ZNF280C: variants seen among roughly 807,000 people sequenced by gnomAD.
ZNF280C encodes zinc finger protein 280C, also known as suppressor of hairy wing homolog 3.
Under a neutral mutation model 53.6 loss-of-function variants are expected in ZNF280C, and 14 were observed. That is an observed-to-expected ratio of 0.26 (90% confidence interval 0.17 to 0.41). The LOEUF is 0.41. Ranked by LOEUF, ZNF280C falls within the 10% of genes least tolerant of loss-of-function variation. The pLI, the probability that ZNF280C is intolerant of heterozygous loss-of-function variation, is 1.00. For synonymous variants in ZNF280C, 203 were observed against 181.1 expected (o/e 1.12, Z -0.97); for missense variants, 416 against 547.1 (o/e 0.76, Z 2.39).
chrX:130,217,000 A>AAAAAC (rs755079228), intron 13 of ZNF280C, among the ~76,000 whole-genome samples: 26 of 111,768 alleles, frequency 2.3e-4, no homozygotes, highest in East Asian at 2.8e-4. Flanking sequence ...ACTCCGTCTC[A>AAAAAC]AAAACAAAAC....
At chrX:130,266,047 A>G (rs1173595853) in intron 1 of ZNF280C, among the ~76,000 whole-genome samples, 1 of 112,605 alleles carries the variant, frequency 8.9e-6, no homozygotes, top group Admixed American at 9.4e-5. Flanking sequence ...TATTTCCCAT[A>G]TTAGAAATTG....
At chrX:130,242,421 G>T (rs2032402601) in intron 5 of ZNF280C, among the ~76,000 whole-genome samples, 1 of 111,675 alleles carries the variant, frequency 9.0e-6, no homozygotes, top group African/African-American at 3.3e-5. Context: ...TATGATTTCA[G>T]AATAAGCAAT....
At chrX:130,207,503 C>T (rs372468903) in intron 16 of ZNF280C, among the ~76,000 whole-genome samples, 41 of 110,771 alleles carry the variant, frequency 3.7e-4, no homozygotes, top group African/African-American at 1.3e-3. Flanking sequence ...CGATTACAGG[C>T]GCACACCACC....
In ZNF280C at chrX:130,231,521, A is replaced by G. The variant is rs910179595; in HGVS notation, c.772-794T>C. 2.7e-5 allele frequency among the ~76,000 whole-genome samples: 3 copies of G among 111,808 alleles called. No homozygotes were observed. The Admixed American group carries it at 2.9e-4, about 11-fold the overall frequency. The stretch of plus-strand genomic sequence containing the variant: ...GGAAGCTTGTAAGTGGAAGCTAAAC[A>G]TTGGGTATACACAGACATAAAGATG... On this transcript the variant is annotated intron_variant, in intron 8 of 18. Transcript: ENST00000370978.
At chrX:130,216,238 T>TA in intron 13 of ZNF280C, 137 bp from the exon 14 acceptor site, 3 of 505,053 alleles carry the variant, frequency 5.9e-6, no homozygotes, top group Non-Finnish European at 9.5e-6. Flanking sequence ...GGGCAAAAAA[T>TA]AGTCTTGATG....
intron 13 of ZNF280C, among the ~76,000 whole-genome samples, chrX:130,219,665 T>A (rs1307773440): frequency 2.7e-5 from 3 of 110,106 alleles, no homozygotes; most frequent in Non-Finnish European, 5.7e-5. Context: ...TCAACAAACC[T>A]ATGGCATTCA....
chrX:130,223,847 C>T (rs1354752075), intron 12 of ZNF280C, among the ~76,000 whole-genome samples: 2 of 112,154 alleles, frequency 1.8e-5, no homozygotes, highest in African/African-American at 6.5e-5. Flanking sequence ...ATTCTTATTA[C>T]ATAAAATTGC....
chrX:130,255,020 T>C (rs959742283), intron 2 of ZNF280C, among the ~76,000 whole-genome samples: 3 of 106,189 alleles, frequency 2.8e-5, no homozygotes, highest in Non-Finnish European at 3.9e-5. Flanking sequence ...CAGCCAAAAT[T>C]CAGTTAAAAA....
At chrX:130,262,709 CG>C (rs756393961) in intron 1 of ZNF280C, among the ~76,000 whole-genome samples, 30 of 111,699 alleles carry the variant, frequency 2.7e-4, no homozygotes, top group African/African-American at 9.1e-4. Context: ...TTTCAGCTAC[CG>C]ATTCAGGTGG....
chrX:130,267,595 G>A (rs186080693), intron 1 of ZNF280C, among the ~76,000 whole-genome samples: 5 of 111,682 alleles, frequency 4.5e-5, no homozygotes, highest in African/African-American at 1.6e-4. Context: ...ACAAATGCAA[G>A]ATACGATTAT....
At chrX:130,207,519 C>T (rs771018770) in intron 16 of ZNF280C, among the ~76,000 whole-genome samples, 61 of 110,673 alleles carry the variant, frequency 5.5e-4, no homozygotes, top group African/African-American at 1.9e-3. Flanking sequence ...CCACCATGCC[C>T]GGCTAATTTT....
intron 1 of ZNF280C, among the ~76,000 whole-genome samples, chrX:130,261,893 T>C (rs2032634041): frequency 9.0e-6 from 1 of 111,159 alleles, no homozygotes; most frequent in South Asian, 3.8e-4. Flanking sequence ...GCACGACTCA[T>C]CATCGCATAC....
At chrX:130,266,626 T>TA (rs913145827) in intron 1 of ZNF280C, among the ~76,000 whole-genome samples, 1 of 108,063 alleles carries the variant, frequency 9.3e-6, no homozygotes, top group Non-Finnish European at 1.9e-5. Flanking sequence ...AATAAAAAGT[T>TA]AAAAAGGAAA....
chrX:130,223,367 G>C (rs761350494), intron 12 of ZNF280C, among the ~76,000 whole-genome samples: 29 of 112,071 alleles, frequency 2.6e-4, no homozygotes, highest in Middle Eastern at 4.6e-3. Flanking sequence ...CAATTTGAGG[G>C]ATTTTCAAGG....
At chrX:130,245,842 G>A (rs1042146979) in intron 3 of ZNF280C, among the ~76,000 whole-genome samples, 1 of 108,935 alleles carries the variant, frequency 9.2e-6, no homozygotes, top group Non-Finnish European at 1.9e-5. Flanking sequence ...CTGGAGTGCA[G>A]TGACGTGATC....
At chrX:130,228,537 C>T (rs775023240) in intron 10 of ZNF280C, among the ~76,000 whole-genome samples, 121 of 110,013 alleles carry the variant, frequency 1.1e-3, no homozygotes, top group African/African-American at 3.8e-3. Context: ...CCCACCTCGG[C>T]TTCCCAGAGT....
At chrX:130,236,983 A>T (rs1328204948) in intron 6 of ZNF280C, among the ~76,000 whole-genome samples, 1 of 111,774 alleles carries the variant, frequency 8.9e-6, no homozygotes, top group Admixed American at 9.6e-5. Flanking sequence ...TCCAAGCTAA[A>T]TAAAATAAAT....
intron 16 of ZNF280C, among the ~76,000 whole-genome samples, chrX:130,208,634 G>T (rs1325804282): frequency 1.8e-5 from 2 of 111,022 alleles, no homozygotes; most frequent in African/African-American, 6.6e-5. Flanking sequence ...TTCAGTAAAG[G>T]TAACACCTAA....
chrX:130,256,656 G>T lies in ZNF280C; in HGVS notation c.31+3763C>A, dbSNP rs776199647. On this transcript the variant is annotated intron_variant, in intron 2 of 18. Coordinates refer to ENST00000370978, the MANE Select transcript of ZNF280C (RefSeq NM_017666.5). ...GACCTTAATCCCAGCACTTTGGGAGGCTGAGGTGGGCAGATCACTTGAGGT... is the reference window on the plus strand; with the variant it reads ...GACCTTAATCCCAGCACTTTGGGAGTCTGAGGTGGGCAGATCACTTGAGGT... 1.5e-4 allele frequency among the ~76,000 whole-genome samples: 17 copies of T among 111,181 alleles called. No homozygotes were observed. The Admixed American group carries it at 1.6e-3, about 11-fold the overall frequency.
Sources: gnomAD v4.1 joint callset for allele counts (sites outside exome capture counted in the v4.1 genomes callset) on GRCh38, gnomAD v4.1.1 for gene constraint, MANE v1.5 for transcripts, NCBI Gene and HGNC (gene_info 2026-07-23, HGNC 2026-07-21) for gene names.